The following PTPN1 variants were observed in gnomAD, a reference collection of about 807,000 sequenced individuals.
PTPN1 encodes tyrosine-protein phosphatase non-receptor type 1.
In PTPN1, 12 loss-of-function variants were observed where a neutral mutation model predicts 59.9. The observed-to-expected ratio is 0.20, with a 90% CI of 0.13 to 0.32. PTPN1 has a LOEUF of 0.32. Among genes scored for constraint, PTPN1 ranks in the 10% least tolerant of loss-of-function variants. The probability of loss-of-function intolerance (pLI) is 1.00; values close to 1 mark genes in which losing one functional copy is unlikely to be tolerated. For synonymous variants in PTPN1, 178 were observed against 203.6 expected (o/e 0.87, Z 1.07); for missense variants, 356 against 549.2 (o/e 0.65, Z 3.52).
At chr20:50,554,613 T>G (rs1048622352) in intron 1 of PTPN1, among the ~76,000 whole-genome samples, 1 of 151,744 alleles carries the variant, frequency 6.6e-6, no homozygotes. Context: ...TAAAATTTAT[T>G]TAAAGCAAAA....
chr20:50,577,095 A>G (rs190638543), intron 5 of PTPN1, among the ~76,000 whole-genome samples: 1 of 152,266 alleles, frequency 6.6e-6, no homozygotes, highest in Admixed American at 6.5e-5. Flanking sequence ...AAGATACTGT[A>G]TTTAATATTT....
At chr20:50,565,516 A>T (rs974668751) in intron 3 of PTPN1, among the ~76,000 whole-genome samples, 1 of 152,234 alleles carries the variant, frequency 6.6e-6, no homozygotes, top group African/African-American at 2.4e-5. Flanking sequence ...TGGCCAGAAG[A>T]AAGGCATCAT....
At chr20:50,513,714 C>T (rs2082516809) in intron 1 of PTPN1, among the ~76,000 whole-genome samples, 1 of 152,138 alleles carries the variant, frequency 6.6e-6, no homozygotes, top group Non-Finnish European at 1.5e-5. Flanking sequence ...TAGGTTAAAA[C>T]CATGTTGTAA....
intron 1 of PTPN1, among the ~76,000 whole-genome samples, chr20:50,526,292 G>A (rs986550014): frequency 6.6e-5 from 10 of 151,854 alleles, no homozygotes; most frequent in African/African-American, 1.2e-4. Flanking sequence ...TGTTGTCCAG[G>A]CTGGTCTTGA....
At chr20:50,514,667 C>A (rs1181874622) in intron 1 of PTPN1, among the ~76,000 whole-genome samples, 1 of 152,168 alleles carries the variant, frequency 6.6e-6, no homozygotes, top group East Asian at 1.9e-4. Context: ...TTTTCTGAGG[C>A]CTGCCTGAGC....
chr20:50,563,755 G>A (rs2082764832), intron 2 of PTPN1, among the ~76,000 whole-genome samples: 2 of 152,106 alleles, frequency 1.3e-5, no homozygotes, highest in East Asian at 1.9e-4. Context: ...GATCACCTGA[G>A]TTTATTGTCC....
intron 4 of PTPN1, 172 bp from the exon 5 acceptor site, chr20:50,574,345 C>A: frequency 1.6e-6 from 1 of 629,790 alleles, no homozygotes. Context: ...CAGCTTCGTG[C>A]CCCCACCCCC....
chr20:50,531,654 G>C (rs536625966), intron 1 of PTPN1, among the ~76,000 whole-genome samples: 8 of 152,350 alleles, frequency 5.3e-5, no homozygotes, highest in Admixed American at 4.6e-4. Flanking sequence ...TGGGATTACA[G>C]GCGTGAGCCA....
chr20:50,540,607 A>G (rs2082647570), intron 1 of PTPN1, among the ~76,000 whole-genome samples: 1 of 152,148 alleles, frequency 6.6e-6, no homozygotes. Flanking sequence ...ACTACAAACC[A>G]TGTCACTCAG....
intron 1 of PTPN1, among the ~76,000 whole-genome samples, chr20:50,522,864 C>T (rs922027062): frequency 2.6e-5 from 4 of 152,106 alleles, no homozygotes; most frequent in South Asian, 2.1e-4. Context: ...AGTGATTCTC[C>T]TGCCTCAGCC....
At position 50,583,637 on chromosome 20, in the gene PTPN1, T is replaced by G. The variant is rs2082881178; in HGVS notation, c.*922T>G. On this transcript the variant is annotated 3_prime_UTR_variant, in exon 10 of 10. Transcript: ENST00000371621. ...CTGATCATTACATGGCTGTGGTTCCTAAGCCTGTTGCTGAAGTCATTGTCG... is the reference window on the plus strand; with the variant it reads ...CTGATCATTACATGGCTGTGGTTCCGAAGCCTGTTGCTGAAGTCATTGTCG... The G allele has an allele frequency of 6.6e-6, 1 of 152,452 alleles. No homozygotes were observed. Among genetic ancestry groups the G allele is most frequent in the Admixed American group, 6.5e-5 (1 of 15,290 alleles). 9.4% of individuals were successfully genotyped at this position (152,452 alleles called of 1,614,324 possible).
At chr20:50,575,245 T>C (rs1397004741) in intron 5 of PTPN1, among the ~76,000 whole-genome samples, 1 of 152,110 alleles carries the variant, frequency 6.6e-6, no homozygotes, top group African/African-American at 2.4e-5. Flanking sequence ...AACTTGGGGG[T>C]GTTCATGTCA....
At chr20:50,521,139 G>A (rs1288505271) in intron 1 of PTPN1, among the ~76,000 whole-genome samples, 1 of 152,148 alleles carries the variant, frequency 6.6e-6, no homozygotes, top group East Asian at 1.9e-4. Flanking sequence ...AAAATGCCCT[G>A]TGGGGGCATA....
chr20:50,533,698 C>T (rs768427071), intron 1 of PTPN1, among the ~76,000 whole-genome samples: 2 of 152,074 alleles, frequency 1.3e-5, no homozygotes, highest in South Asian at 2.1e-4. Flanking sequence ...TTGCCCCCCC[C>T]CAGAAAGGAA....
At chr20:50,513,681 T>C (rs2082516678) in intron 1 of PTPN1, among the ~76,000 whole-genome samples, 1 of 152,258 alleles carries the variant, frequency 6.6e-6, no homozygotes, top group Non-Finnish European at 1.5e-5. Flanking sequence ...GTTTTCATTA[T>C]GAAATACAAT....
intron 3 of PTPN1, among the ~76,000 whole-genome samples, chr20:50,566,524 G>T (rs567031703): frequency 6.6e-6 from 1 of 152,238 alleles, no homozygotes; most frequent in African/African-American, 2.4e-5. Flanking sequence ...TACTAAAGGA[G>T]TCGAGGCAGC....
At chr20:50,570,740 G>A (rs1187147933) in intron 4 of PTPN1, among the ~76,000 whole-genome samples, 2 of 152,206 alleles carry the variant, frequency 1.3e-5, no homozygotes, top group African/African-American at 4.8e-5. Flanking sequence ...GGCAGGGAGT[G>A]GCTGTGCTGG....
intron 1 of PTPN1, among the ~76,000 whole-genome samples, chr20:50,534,137 T>G (rs2082613689): frequency 6.6e-6 from 1 of 152,142 alleles, no homozygotes; most frequent in Non-Finnish European, 1.5e-5. Flanking sequence ...TGTTGGTCAG[T>G]CTGGTTTCGA....
chr20:50,521,338 A>G (rs974302897), intron 1 of PTPN1, among the ~76,000 whole-genome samples: 2 of 152,254 alleles, frequency 1.3e-5, no homozygotes, highest in Admixed American at 6.5e-5. Context: ...GCTAACATTT[A>G]TTGAATTCTG....
Sources: allele counts gnomAD v4.1 joint callset (sites outside exome capture counted in the v4.1 genomes callset), GRCh38; gene constraint gnomAD v4.1.1; transcripts MANE v1.5; gene names NCBI Gene and HGNC (gene_info 2026-07-23, HGNC 2026-07-21).